The following EYS variants were observed in gnomAD, a reference collection of about 807,000 sequenced individuals.
The protein encoded by EYS is EGF-like photoreceptor maintenance factor.
A neutral mutation model predicts 282.1 loss-of-function variants in EYS; 250 were observed. The observed-to-expected ratio is 0.89, with a 90% CI of 0.80 to 0.98. The LOEUF (loss-of-function observed/expected upper bound fraction) is 0.98, where lower values mean the gene tolerates loss of function less well. EYS is among the 50% of genes least tolerant of loss of function. EYS has a pLI of 0.00. For missense variants in EYS, 4,016 were observed against 3,709.0 expected (o/e 1.08, Z -2.15); for synonymous variants, 1,355 against 1,282.9 (o/e 1.06, Z -1.20).
chr6:65,362,085 A>G (rs1006314545), intron 8 of EYS, among the ~76,000 whole-genome samples: 2 of 152,030 alleles, frequency 1.3e-5, no homozygotes, highest in African/African-American at 4.8e-5. Context: ...GATTTCTTTG[A>G]TTTTCAAAAG....
intron 11 of EYS, among the ~76,000 whole-genome samples, chr6:65,314,078 T>A (rs1482165562): frequency 1.3e-5 from 2 of 152,042 alleles, no homozygotes; most frequent in African/African-American, 4.8e-5. Context: ...GGCTGTTCCA[T>A]CTGCCTGGAT....
intron 12 of EYS, among the ~76,000 whole-genome samples, chr6:65,165,102 C>A (rs1764941511): frequency 6.6e-6 from 1 of 151,124 alleles, no homozygotes; most frequent in Non-Finnish European, 1.5e-5. Flanking sequence ...AAATGCTTGG[C>A]AAATAAATTC....
chr6:65,091,294 A>C (rs1007051536), intron 12 of EYS, among the ~76,000 whole-genome samples: 9 of 149,492 alleles, frequency 6.0e-5, no homozygotes, highest in Admixed American at 2.7e-4. Context: ...AAAAAAAAAA[A>C]AACAGATTAG....
At chr6:64,089,086 C>T (rs1772261636) in intron 31 of EYS, among the ~76,000 whole-genome samples, 1 of 151,596 alleles carries the variant, frequency 6.6e-6, no homozygotes. Flanking sequence ...AGTTTTTCAC[C>T]TTCCCCAGAA....
At chr6:63,881,707 G>A (rs868671194) in intron 35 of EYS, among the ~76,000 whole-genome samples, 1 of 151,928 alleles carries the variant, frequency 6.6e-6, no homozygotes, top group East Asian at 1.9e-4. Context: ...TTAACCTTTA[G>A]CCTGAAAATG....
At chr6:64,315,602 C>A (rs4513768) in intron 29 of EYS, among the ~76,000 whole-genome samples, 33 of 150,822 alleles carry the variant, frequency 2.2e-4, no homozygotes, top group Admixed American at 5.9e-4. Flanking sequence ...GGGATGCAAG[C>A]CTGGTTCAAC....
At chr6:65,628,622 G>A (rs149351162) in intron 2 of EYS, among the ~76,000 whole-genome samples, 107 of 152,094 alleles carry the variant, frequency 7.0e-4, no homozygotes, top group African/African-American at 2.2e-3. Flanking sequence ...GGAGCCCACC[G>A]GGAGGAACGA....
intron 22 of EYS, among the ~76,000 whole-genome samples, chr6:64,771,234 A>G (rs1192524788): frequency 6.6e-6 from 1 of 151,542 alleles, no homozygotes; most frequent in Non-Finnish European, 1.5e-5. Context: ...CTATAGCTAG[A>G]TCCCCTTTCT....
intron 31 of EYS, among the ~76,000 whole-genome samples, chr6:64,228,479 C>T (rs560499247): frequency 6.6e-6 from 1 of 152,008 alleles, no homozygotes; most frequent in Admixed American, 6.6e-5. Flanking sequence ...TCTTCAAATG[C>T]AATTTTGTAA....
At chr6:65,429,481 A>G (rs970098171) in intron 5 of EYS, among the ~76,000 whole-genome samples, 5 of 152,204 alleles carry the variant, frequency 3.3e-5, no homozygotes, top group African/African-American at 4.8e-5. Context: ...ATAGCCTTAT[A>G]GCTAAAGAGA....
intron 7 of EYS, among the ~76,000 whole-genome samples, chr6:65,393,456 A>C (rs1766138413): frequency 6.6e-6 from 1 of 152,236 alleles, no homozygotes; most frequent in Admixed American, 6.5e-5. Flanking sequence ...AAGTGGAAGC[A>C]TTCCATTAAT....
intron 12 of EYS, among the ~76,000 whole-genome samples, chr6:65,272,473 GT>G (rs1767932035): frequency 6.6e-6 from 1 of 152,074 alleles, no homozygotes; most frequent in Non-Finnish European, 1.5e-5. Context: ...TGAGGGTAGA[GT>G]TTAGCCAGGA....
chr6:63,841,512 G>A (rs1375192511), intron 36 of EYS, among the ~76,000 whole-genome samples: 1 of 152,168 alleles, frequency 6.6e-6, no homozygotes, highest in Non-Finnish European at 1.5e-5. Flanking sequence ...ACTGTATAAA[G>A]CACTTAGAAC....
At chr6:64,555,956 G>A (rs1765220494) in intron 26 of EYS, among the ~76,000 whole-genome samples, 1 of 151,770 alleles carries the variant, frequency 6.6e-6, no homozygotes, top group Non-Finnish European at 1.5e-5. Context: ...CACTAGAATA[G>A]CAAAAATTAA....
chr6:64,903,356 C>T, intron 16 of EYS, among the ~76,000 whole-genome samples: 1 of 152,078 alleles, frequency 6.6e-6, no homozygotes. Flanking sequence ...AGTATGCAAT[C>T]AGGCTAATTT....
intron 19 of EYS, among the ~76,000 whole-genome samples, chr6:64,849,796 C>T (rs1423258849): frequency 2.6e-5 from 4 of 151,834 alleles, no homozygotes; most frequent in African/African-American, 7.2e-5. Flanking sequence ...TCATGTAGTG[C>T]CCCCCATCTT....
chr6:65,490,185 C>T (rs562235162), intron 5 of EYS: 2 of 154,704 alleles, frequency 1.3e-5, no homozygotes, highest in African/African-American at 4.8e-5. Flanking sequence ...ATAATATCTT[C>T]CTTTAGCAGA....
chr6:65,180,694 T>G (rs1765355928), intron 12 of EYS, among the ~76,000 whole-genome samples: 1 of 152,024 alleles, frequency 6.6e-6, no homozygotes, highest in Admixed American at 6.6e-5. Context: ...TTCACAGAAT[T>G]GGAAAAAACT....
intron 35 of EYS, among the ~76,000 whole-genome samples, chr6:63,888,961 T>C (rs9968783): frequency 0.12 from 17,937 of 152,134 alleles, 1,286 homozygotes; most frequent in African/African-American, 0.2. Flanking sequence ...CTGATGGAGC[T>C]GAAAAACATA....
Sources: gnomAD v4.1 joint callset for allele counts (sites outside exome capture counted in the v4.1 genomes callset) on GRCh38, gnomAD v4.1.1 for gene constraint, MANE v1.5 for transcripts, NCBI Gene and HGNC (gene_info 2026-07-23, HGNC 2026-07-21) for gene names.